The following ENTREP2 variants were observed in gnomAD, a reference collection of about 807,000 sequenced individuals.
ENTREP2 encodes endosomal transmembrane epsin interactor 2.
At chr15:29,415,497 T>C in the ENTREP2 span, among the ~76,000 whole-genome samples, 1 of 152,130 alleles carries the variant, frequency 6.6e-6, no homozygotes, top group Non-Finnish European at 1.5e-5. Context: ...ATGGGATGTA[T>C]CTCAAAATAA....
chr15:29,219,614 A>ATATAT, the ENTREP2 span, among the ~76,000 whole-genome samples: 1 of 38,410 alleles, frequency 2.6e-5, no homozygotes, highest in African/African-American at 7.6e-5. Flanking sequence ...GTGGTGCATA[A>ATATAT]ATATATATAT....
the ENTREP2 span, among the ~76,000 whole-genome samples, chr15:29,350,662 G>C: frequency 6.6e-6 from 1 of 152,150 alleles, no homozygotes; most frequent in Non-Finnish European, 1.5e-5. Context: ...CATAAGAGAG[G>C]GTGGGTATGG....
At chr15:29,664,622 A>G in the ENTREP2 span, among the ~76,000 whole-genome samples, 1 of 151,896 alleles carries the variant, frequency 6.6e-6, no homozygotes, top group Non-Finnish European at 1.5e-5. Flanking sequence ...GCGCCCACTG[A>G]CTCGGACCCG....
At chr15:29,522,401 A>G in the ENTREP2 span, among the ~76,000 whole-genome samples, 24 of 152,242 alleles carry the variant, frequency 1.6e-4, no homozygotes, top group African/African-American at 5.5e-4. Context: ...AATGATGTCA[A>G]CAAAAATGCC....
the ENTREP2 span, among the ~76,000 whole-genome samples, chr15:29,171,036 G>A: frequency 1.3e-5 from 2 of 152,188 alleles, no homozygotes. Flanking sequence ...GAGACAGAGA[G>A]AGAAGCCAGA....
At chr15:29,553,886 A>G in the ENTREP2 span, among the ~76,000 whole-genome samples, 1 of 152,222 alleles carries the variant, frequency 6.6e-6, no homozygotes, top group Non-Finnish European at 1.5e-5. Context: ...ATGAGACCTC[A>G]AGCAAGAATC....
chr15:29,225,062 T>TGC, the ENTREP2 span, among the ~76,000 whole-genome samples: 1 of 152,188 alleles, frequency 6.6e-6, no homozygotes, highest in Admixed American at 6.5e-5. Context: ...GCTGAGCCCA[T>TGC]GCCCACCCAG....
the ENTREP2 span, among the ~76,000 whole-genome samples, chr15:29,135,493 T>C: frequency 1.3e-5 from 2 of 152,068 alleles, no homozygotes; most frequent in Non-Finnish European, 1.5e-5. The surrounding 1 kb of genome is among the most constrained non-coding windows in gnomAD (Gnocchi z 7.4). Context: ...CTGTCCTGGC[T>C]AGCAGCATTC....
At chr15:29,157,437 C>T in the ENTREP2 span, among the ~76,000 whole-genome samples, 1 of 152,218 alleles carries the variant, frequency 6.6e-6, no homozygotes, top group African/African-American at 2.4e-5. Flanking sequence ...CAAAGATACA[C>T]CTCAGCATAG....
the ENTREP2 span, among the ~76,000 whole-genome samples, chr15:29,667,589 G>A: frequency 6.7e-6 from 1 of 148,916 alleles, no homozygotes; most frequent in Non-Finnish European, 1.5e-5. Context: ...TGCCTCCAAG[G>A]TTCAAGCGAT....
chr15:29,596,503 A>T, the ENTREP2 span, among the ~76,000 whole-genome samples: 25 of 152,172 alleles, frequency 1.6e-4, no homozygotes, highest in African/African-American at 6.0e-4. Flanking sequence ...TAGAGTGTGT[A>T]TGTAGAGTTC....
the ENTREP2 span, among the ~76,000 whole-genome samples, chr15:29,262,271 C>T: frequency 6.6e-6 from 1 of 152,220 alleles, no homozygotes; most frequent in African/African-American, 2.4e-5. Flanking sequence ...GAATCTCTCT[C>T]TCTGACCTTC....
At chr15:29,653,032 T>C in the ENTREP2 span, among the ~76,000 whole-genome samples, 7,937 of 152,224 alleles carry the variant, frequency 0.052, 640 homozygotes, top group African/African-American at 0.17. Context: ...CTGCAAGAAG[T>C]GTATCCTTGG....
At chr15:29,630,030 C>T in the ENTREP2 span, among the ~76,000 whole-genome samples, 2 of 152,164 alleles carry the variant, frequency 1.3e-5, no homozygotes, top group South Asian at 2.1e-4. Context: ...GGCAGCAGAA[C>T]GCTTGAACCC....
At chr15:29,486,837 T>C in the ENTREP2 span, among the ~76,000 whole-genome samples, 1 of 151,190 alleles carries the variant, frequency 6.6e-6, no homozygotes, top group Non-Finnish European at 1.5e-5. Flanking sequence ...TGAAAAAAAA[T>C]GAGCTCATGG....
the ENTREP2 span, among the ~76,000 whole-genome samples, chr15:29,179,157 G>A: frequency 6.6e-6 from 1 of 152,238 alleles, no homozygotes; most frequent in Non-Finnish European, 1.5e-5. Context: ...ATACTCTTCA[G>A]GCTAGGATGG....
the ENTREP2 span, among the ~76,000 whole-genome samples, chr15:29,210,659 G>A: frequency 4.6e-5 from 7 of 152,100 alleles, no homozygotes; most frequent in Admixed American, 2.6e-4. Flanking sequence ...TGGAAAAATT[G>A]TCTTCCACAA....
the ENTREP2 span, among the ~76,000 whole-genome samples, chr15:29,328,707 T>C: frequency 6.6e-6 from 1 of 152,208 alleles, no homozygotes; most frequent in South Asian, 2.1e-4. Flanking sequence ...GGATGGCAGA[T>C]GGTGAGAACC....
At chr15:29,473,216 C>T in the ENTREP2 span, among the ~76,000 whole-genome samples, 2 of 152,112 alleles carry the variant, frequency 1.3e-5, no homozygotes, top group Admixed American at 6.6e-5. Flanking sequence ...CACACCATAC[C>T]CAGGCTGCTC....
Sources: allele counts gnomAD v4.1 joint callset (sites outside exome capture counted in the v4.1 genomes callset), GRCh38; gene constraint gnomAD v4.1.1; non-coding constraint Gnocchi (gnomAD v3.1); transcripts MANE v1.5; gene names NCBI Gene and HGNC (gene_info 2026-07-23, HGNC 2026-07-21).